SLC8A1: variants seen among roughly 807,000 people sequenced by gnomAD.
The protein encoded by SLC8A1 is solute carrier family 8 member A1.
In SLC8A1, 18 loss-of-function variants were observed where a neutral mutation model predicts 68.3. That is an observed-to-expected ratio of 0.26 (90% CI 0.18 to 0.39). The LOEUF (loss-of-function observed/expected upper bound fraction) is 0.39. Ranked by LOEUF, SLC8A1 falls within the 10% of genes least tolerant of loss-of-function variation. The pLI, the probability that SLC8A1 is intolerant of heterozygous loss-of-function variation, is 1.00. For synonymous variants in SLC8A1, 475 were observed against 415.5 expected (o/e 1.14, Z -1.74); for missense variants, 985 against 1,156.7 (o/e 0.85, Z 2.15).
At chr2:40,501,031 C>T (rs539663796) in intron 1 of SLC8A1, among the ~76,000 whole-genome samples, 21 of 151,868 alleles carry the variant, frequency 1.4e-4, no homozygotes, top group African/African-American at 2.9e-4. Flanking sequence ...CCTGTTCTCA[C>T]GGGGCTGCTT....
chr2:40,311,566 A>T (rs1444760989), intron 2 of SLC8A1, among the ~76,000 whole-genome samples: 1 of 152,116 alleles, frequency 6.6e-6, no homozygotes. Flanking sequence ...GTCTTTATAT[A>T]TCTTACAAGT....
intron 1 of SLC8A1, among the ~76,000 whole-genome samples, chr2:40,445,502 G>A (rs1701281943): frequency 6.6e-6 from 1 of 152,192 alleles, no homozygotes; most frequent in African/African-American, 2.4e-5. Flanking sequence ...CAGAGTCATA[G>A]AACTGGATTC....
chr2:40,310,771 A>T (rs932358505), intron 2 of SLC8A1, among the ~76,000 whole-genome samples: 16 of 152,130 alleles, frequency 1.1e-4, no homozygotes, highest in Non-Finnish European at 1.6e-4. Context: ...ACAATAGCTC[A>T]CTGCCATGGG....
intron 2 of SLC8A1, among the ~76,000 whole-genome samples, chr2:40,314,771 G>A (rs1049552969): frequency 1.3e-5 from 2 of 151,776 alleles, no homozygotes; most frequent in East Asian, 1.9e-4. Context: ...CATTGTAAAT[G>A]GTACTGTTTT....
chr2:40,168,903 A>AACTT, intron 4 of SLC8A1, among the ~76,000 whole-genome samples: 1 of 152,334 alleles, frequency 6.6e-6, no homozygotes, highest in East Asian at 1.9e-4. Context: ...CAATCCAAAC[A>AACTT]ACTTAAAGAT....
intron 2 of SLC8A1, among the ~76,000 whole-genome samples, chr2:40,252,400 T>TCGGCTCACTGCAACCTCTGC (rs2062902053): frequency 6.6e-6 from 1 of 152,172 alleles, no homozygotes; most frequent in Non-Finnish European, 1.5e-5. Flanking sequence ...TGGCATGATC[T>TCGGCTCACTGCAACCTCTGC]CGGCTCACTG....
intron 2 of SLC8A1, among the ~76,000 whole-genome samples, chr2:40,225,471 CTCT>C (rs199806548): frequency 2.0e-5 from 3 of 149,676 alleles, no homozygotes; most frequent in Admixed American, 6.6e-5. Flanking sequence ...TTGTCCTATT[CTCT>C]TCTTTTTTTC....
chr2:40,326,642 G>C (rs1205424983), intron 2 of SLC8A1, among the ~76,000 whole-genome samples: 1 of 152,042 alleles, frequency 6.6e-6, no homozygotes, highest in East Asian at 1.9e-4. Context: ...TGGTCCCCTT[G>C]TCCAAAATGA....
chr2:40,199,802 T>C (rs141758792), intron 2 of SLC8A1, among the ~76,000 whole-genome samples: 97 of 151,796 alleles, frequency 6.4e-4, no homozygotes, highest in African/African-American at 2.3e-3. Flanking sequence ...CATTAGGCTC[T>C]TGTTCTTAGT....
chr2:40,275,914 C>G (rs908947018), intron 2 of SLC8A1, among the ~76,000 whole-genome samples: 3 of 152,108 alleles, frequency 2.0e-5, no homozygotes, highest in Non-Finnish European at 4.4e-5. Context: ...AAGTGGGACC[C>G]CCGTACCCAC....
intron 2 of SLC8A1, among the ~76,000 whole-genome samples, chr2:40,249,913 T>G (rs1314820499): frequency 1.3e-5 from 2 of 152,232 alleles, no homozygotes; most frequent in Admixed American, 1.3e-4. Flanking sequence ...TTTTGATAAG[T>G]AGCAGTACTT....
intron 2 of SLC8A1, among the ~76,000 whole-genome samples, chr2:40,306,544 C>G (rs1253297437): frequency 6.6e-6 from 1 of 152,064 alleles, no homozygotes; most frequent in African/African-American, 2.4e-5. Context: ...TAAATGGAAT[C>G]CAAAATAGGC....
intron 2 of SLC8A1, among the ~76,000 whole-genome samples, chr2:40,358,114 A>G (rs1244656945): frequency 1.3e-5 from 2 of 151,714 alleles, no homozygotes; most frequent in Non-Finnish European, 2.9e-5. Flanking sequence ...TCCTGTTATG[A>G]ATGGGAAACT....
At chr2:40,200,212 AT>A (rs1558721810) in intron 2 of SLC8A1, among the ~76,000 whole-genome samples, 925 of 9,532 alleles carry the variant, frequency 0.097, 167 homozygotes, top group African/African-American at 0.27. Flanking sequence ...ATATAAATAT[AT>A]ATATATTTTT....
chr2:40,233,124 T>A (rs1347812998), intron 2 of SLC8A1, among the ~76,000 whole-genome samples: 2 of 152,146 alleles, frequency 1.3e-5, no homozygotes, highest in African/African-American at 4.8e-5. Context: ...AGTAATGGGA[T>A]GGCTGGGTCA....
At chr2:40,129,185 A>G (rs557570200) in intron 7 of SLC8A1, among the ~76,000 whole-genome samples, 1 of 152,310 alleles carries the variant, frequency 6.6e-6, no homozygotes, top group Non-Finnish European at 1.5e-5. Flanking sequence ...CTGAGACAGC[A>G]TTAAAATAAA....
chr2:40,174,597 A>G, intron 4 of SLC8A1, 109 bp downstream of exon 6: 2 of 1,021,380 alleles, frequency 2.0e-6, no homozygotes. Context: ...GCAAGAGCAC[A>G]CCATGTGCCA....
chr2:40,205,499 G>A (rs138694691), intron 2 of SLC8A1, among the ~76,000 whole-genome samples: 1 of 152,016 alleles, frequency 6.6e-6, no homozygotes. Flanking sequence ...ACTTTGCAGG[G>A]ACATGGATGG....
At chr2:40,361,308 G>A (rs964643568) in intron 2 of SLC8A1, among the ~76,000 whole-genome samples, 1 of 152,080 alleles carries the variant, frequency 6.6e-6, no homozygotes, top group African/African-American at 2.4e-5. Context: ...TACTTCAAGT[G>A]TCAAATTACT....
Sources: allele counts gnomAD v4.1 joint callset (sites outside exome capture counted in the v4.1 genomes callset), GRCh38; gene constraint gnomAD v4.1.1; transcripts MANE v1.5; gene names NCBI Gene and HGNC (gene_info 2026-07-23, HGNC 2026-07-21).